EML6: variants seen among roughly 807,000 people sequenced by gnomAD.
The protein encoded by EML6 is EMAP like 6.
Under a neutral mutation model 240.1 loss-of-function variants are expected in EML6, and 154 were observed. That is an observed-to-expected ratio of 0.64 (90% confidence interval 0.56 to 0.73). The LOEUF (loss-of-function observed/expected upper bound fraction) is 0.73, where lower values mean the gene tolerates loss of function less well. Ranked by LOEUF, EML6 falls within the 30% of genes least tolerant of loss-of-function variation. The pLI is 0.00. For synonymous variants in EML6, 1,148 were observed against 899.0 expected, an observed-to-expected ratio of 1.28 and a Z score of -4.95; for missense variants, 2,964 against 2,474.6, an observed-to-expected ratio of 1.20 and a Z score of -4.20.
chr2:54,901,159 A>T (rs1673038014), intron 22 of EML6, among the ~76,000 whole-genome samples: 1 of 152,226 alleles, frequency 6.6e-6, no homozygotes, highest in Non-Finnish European at 1.5e-5. Flanking sequence ...ATTGCCACTT[A>T]CAAATCAGAA....
At chr2:54,910,212 T>G (rs1211486936) in intron 24 of EML6, among the ~76,000 whole-genome samples, 3 of 152,202 alleles carry the variant, frequency 2.0e-5, no homozygotes, top group African/African-American at 2.4e-5. Flanking sequence ...TTTGAAACTT[T>G]CCATAATATT....
chr2:54,968,715 C>A lies in EML6; in HGVS notation c.5799C>A (p.Ile1933=), dbSNP rs1676859204. ...YFGHSAHVTN[I]RFSYDDKYVV... ...GTCACTCGGCTCACGTGACGAACATCCGTTTCTCTTATGATGACAAGTATG... is the reference window on the plus strand; with the variant it reads ...GTCACTCGGCTCACGTGACGAACATACGTTTCTCTTATGATGACAAGTATG... The change falls in exon 41 of 42, where the codon ATC becomes ATA. Residue 1933 remains isoleucine, a synonymous_variant. Transcript: ENST00000356458. 6.4e-7 allele frequency: 1 copy of A among 1,551,446 alleles called. No individual in the cohort carries two copies. Among genetic ancestry groups the A allele is most frequent in the East Asian group, 2.4e-5 (1 of 40,916 alleles).
At chr2:54,836,034 C>A (rs1438356538) in intron 7 of EML6, among the ~76,000 whole-genome samples, 1 of 152,198 alleles carries the variant, frequency 6.6e-6, no homozygotes, top group Non-Finnish European at 1.5e-5. Context: ...TCACCGCTCT[C>A]CCTGTGTGCC....
intron 29 of EML6, 67 bp from the exon 30 acceptor site, chr2:54,950,583 T>TG: frequency 6.6e-7 from 1 of 1,525,172 alleles, no homozygotes; most frequent in South Asian, 1.2e-5. Flanking sequence ...TCACGCAATG[T>TG]GGGTGTGTTC....
chr2:54,815,526 A>G (rs952227404), intron 3 of EML6, among the ~76,000 whole-genome samples: 1 of 152,188 alleles, frequency 6.6e-6, no homozygotes, highest in Non-Finnish European at 1.5e-5. Context: ...GTTTTACTTC[A>G]GTGCCCCTAT....
At chr2:54,901,940 G>T (rs1673077586) in intron 22 of EML6, among the ~76,000 whole-genome samples, 1 of 152,222 alleles carries the variant, frequency 6.6e-6, no homozygotes, top group Non-Finnish European at 1.5e-5. Context: ...ACCCTACAAA[G>T]GAGTAGAGAA....
intron 18 of EML6, 96 bp downstream of exon 18, chr2:54,891,250 C>G (rs1248410516): frequency 1.4e-5 from 8 of 581,736 alleles, no homozygotes; most frequent in Non-Finnish European, 2.4e-5. Flanking sequence ...TCGCTTGTCT[C>G]TGCAATCTAA....
intron 2 of EML6, among the ~76,000 whole-genome samples, chr2:54,785,500 G>T (rs1475299158): frequency 6.6e-6 from 1 of 152,042 alleles, no homozygotes; most frequent in Non-Finnish European, 1.5e-5. Flanking sequence ...CCTTTTAAGG[G>T]ATACTCACAA....
chr2:54,964,171 G>A lies in EML6; in HGVS notation c.5330+13G>A, dbSNP rs1451263484. On this transcript the variant is annotated intron_variant, in intron 37 of 41. Coordinates refer to ENST00000356458, the MANE Select transcript of EML6 (RefSeq NM_001039753.4). ...TCCAAGATATCAGGTACCTAAGTGGGTGGTCTGGGCATGGAGGAGAAAGGC... is the reference window on the plus strand; with the variant it reads ...TCCAAGATATCAGGTACCTAAGTGGATGGTCTGGGCATGGAGGAGAAAGGC... 4.5e-6 allele frequency: 7 copies of A among 1,550,642 alleles called. No homozygotes were observed. The Admixed American group carries it at 1.4e-4, about 30-fold the overall frequency.
Position 54,808,710 on chromosome 2 carries a change from T to A in EML6, c.198-4522T>A, listed in dbSNP as rs192434781. The stretch of plus-strand genomic sequence containing the variant: ...AAGAATGATTAATATTGATGAGTGT[T>A]TTGTTGTTGTTGTTAAACTTCATAA... On this transcript the variant is annotated intron_variant, in intron 2 of 41. Transcript: ENST00000356458. 6.6e-3 allele frequency among the ~76,000 whole-genome samples: 998 copies of A among 152,280 alleles called. 9 individuals carry two copies. The highest frequency in any genetic ancestry group is 9.6e-3 in the Non-Finnish European group (656 of 68,016).
At chr2:54,834,350 G>A (rs1669024306) in intron 7 of EML6, among the ~76,000 whole-genome samples, 1 of 152,056 alleles carries the variant, frequency 6.6e-6, no homozygotes. Flanking sequence ...TTATAGTGGT[G>A]GCAAGAAAAG....
chr2:54,835,525 G>C (rs1018843996), intron 7 of EML6, among the ~76,000 whole-genome samples: 3 of 152,200 alleles, frequency 2.0e-5, no homozygotes, highest in African/African-American at 7.2e-5. Flanking sequence ...TAGAGGTTTA[G>C]GCAGGCATGT....
Position 54,963,982 on chromosome 2 carries a change from G to GT in EML6, c.5158-3dup. Reference sequence around the variant, plus strand: ...TCAGGTGACTTTCCTTTGCATCAATGTAGAAGCTGTTAAACAAGGTGAGCT... The same window carrying GT: ...TCAGGTGACTTTCCTTTGCATCAATGTTAGAAGCTGTTAAACAAGGTGAGCT... On this transcript the variant is annotated splice_region_variant and splice_polypyrimidine_tract_variant and intron_variant, in intron 36 of 41. Coordinates refer to ENST00000356458, the MANE Select transcript of EML6 (RefSeq NM_001039753.4). The GT allele has an allele frequency of 6.5e-7, 1 of 1,549,320 alleles. No homozygotes were observed. The highest frequency in any genetic ancestry group is 8.7e-7 in the Non-Finnish European group (1 of 1,145,994).
Position 54,906,297 on chromosome 2 carries a change from T to C in EML6, c.3409+2795T>C, listed in dbSNP as rs559558921. Among the ~76,000 whole-genome samples the C allele has an allele frequency of 8.5e-5, 13 of 152,300 alleles. 1 individual carries two copies. In the South Asian group the frequency reaches 2.7e-3, roughly 32 times the overall value. ...TTGTTTGTTCTTAATTCTGCAAATG[T>C]ATAGGCCCTGTGTCAGATGGTGGGG... On this transcript the variant is annotated intron_variant, in intron 24 of 41. Transcript: ENST00000356458.
At chr2:54,907,954 T>TA (rs377139318) in intron 24 of EML6, among the ~76,000 whole-genome samples, 31 of 35,118 alleles carry the variant, frequency 8.8e-4, no homozygotes, top group Non-Finnish European at 1.3e-3. Context: ...ATAAGATAGA[T>TA]AGATAGATAG....
chr2:54,918,717 C>G (rs1364000391), intron 26 of EML6, among the ~76,000 whole-genome samples: 1 of 152,190 alleles, frequency 6.6e-6, no homozygotes, highest in Non-Finnish European at 1.5e-5. Context: ...ATTTACCCCC[C>G]TGTACAGTCA....
At position 54,969,965 on chromosome 2, in the gene EML6, C is replaced by T. The variant is rs936778151; in HGVS notation, c.5853-106C>T. ...CCTTTTGAAGTCAAAATGTTCAATA[C>T]ATCACCCGAGCTTGACTTTTGAGCA... On this transcript the variant is annotated intron_variant, in intron 41 of 41. Coordinates refer to ENST00000356458, the MANE Select transcript of EML6 (RefSeq NM_001039753.4). 26 of 1,167,672 alleles carry T rather than the reference C, an allele frequency of 2.2e-5. No homozygotes were observed. The East Asian group carries it at 4.9e-4, about 22-fold the overall frequency. 72.3% of individuals were successfully genotyped at this position (1,167,672 alleles called of 1,614,324 possible).
At chr2:54,794,719 T>A (rs1010593049) in intron 2 of EML6, among the ~76,000 whole-genome samples, 2 of 152,178 alleles carry the variant, frequency 1.3e-5, no homozygotes, top group African/African-American at 4.8e-5. Flanking sequence ...ACTTTAATAG[T>A]AAAAAGGTCC....
At chr2:54,851,689 A>G (rs1349914375) in intron 10 of EML6, among the ~76,000 whole-genome samples, 2 of 152,180 alleles carry the variant, frequency 1.3e-5, no homozygotes, top group African/African-American at 4.8e-5. Context: ...CTTTTGCTTT[A>G]TCTGTTATTT....
Sources: gnomAD v4.1 joint callset for allele counts (sites outside exome capture counted in the v4.1 genomes callset) on GRCh38, gnomAD v4.1.1 for gene constraint, MANE v1.5 for transcripts, NCBI Gene and HGNC (gene_info 2026-07-23, HGNC 2026-07-21) for gene names.